The following MKLN1 variants were observed in gnomAD, a reference collection of about 807,000 sequenced individuals.
The protein encoded by MKLN1 is muskelin.
MKLN1 carries 18 observed loss-of-function variants against 99.0 expected under a neutral mutation model. That is an observed-to-expected ratio of 0.18 (90% confidence interval 0.13 to 0.27). The LOEUF is 0.27. Among genes scored for constraint, MKLN1 ranks in the 10% least tolerant of loss-of-function variants. MKLN1 has a pLI of 1.00. For missense variants in MKLN1, 621 were observed against 875.9 expected (o/e 0.71, Z 3.67); for synonymous variants, 288 against 293.2 (o/e 0.98, Z 0.18).
At chr7:131,172,989 A>C (rs1274311703) in intron 2 of MKLN1, among the ~76,000 whole-genome samples, 4 of 152,246 alleles carry the variant, frequency 2.6e-5, no homozygotes, top group Admixed American at 1.3e-4. Flanking sequence ...TGATTTAAAC[A>C]AATGAAAATC....
At chr7:131,464,542 A>G (rs1796606466) in intron 14 of MKLN1, 134 bp downstream of exon 14, 1 of 541,410 alleles carries the variant, frequency 1.8e-6, no homozygotes. Flanking sequence ...ATAGAATAAC[A>G]AACACCCAAT....
chr7:131,182,679 T>C (rs1048122077), intron 2 of MKLN1, among the ~76,000 whole-genome samples: 3 of 151,578 alleles, frequency 2.0e-5, no homozygotes, highest in Non-Finnish European at 4.4e-5. Flanking sequence ...GTTTTAAGAG[T>C]CTGTTTTATA....
At chr7:131,177,894 T>C (rs909843531) in intron 2 of MKLN1, among the ~76,000 whole-genome samples, 1 of 152,196 alleles carries the variant, frequency 6.6e-6, no homozygotes, top group Admixed American at 6.5e-5. Flanking sequence ...AGGACTGGTA[T>C]AGTAGCTCTA....
chr7:131,337,817 GTAA>G (rs532549622), intron 1 of MKLN1, among the ~76,000 whole-genome samples: 10 of 151,456 alleles, frequency 6.6e-5, no homozygotes, highest in African/African-American at 2.4e-4. Flanking sequence ...TAACATAATA[GTAA>G]TAATTATTAT....
chr7:131,496,463 A>G lies in MKLN1; in HGVS notation c.*8735A>G, dbSNP rs1797564577. 1 of 152,032 alleles carries G rather than the reference A, an allele frequency of 6.6e-6. No individual in the cohort carries two copies. The highest frequency in any genetic ancestry group is 6.5e-5 in the Admixed American group (1 of 15,268). The allele number at this position is 152,032 out of a possible 1,614,324, so 9.4% of individuals were successfully genotyped here. ...AGGATTTTTTTTTTCTTATAGTACA[A>G]ATAATTTTCAGATCCCAGCTTTGGT... On this transcript the variant is annotated 3_prime_UTR_variant, in exon 18 of 18. Transcript: ENST00000352689.
At chr7:131,166,095 ACT>A (rs1405640189) in intron 2 of MKLN1, among the ~76,000 whole-genome samples, 2 of 60,586 alleles carry the variant, frequency 3.3e-5, no homozygotes, top group African/African-American at 5.8e-5. Flanking sequence ...AGCCTGGGAG[ACT>A]CTGTTTCAAA....
intron 2 of MKLN1, among the ~76,000 whole-genome samples, chr7:131,380,262 A>G (rs1478746144): frequency 1.3e-5 from 2 of 152,294 alleles, no homozygotes; most frequent in Middle Eastern, 3.4e-3. Context: ...CTAGGCATGT[A>G]GTTACTTTTA....
intron 1 of MKLN1, among the ~76,000 whole-genome samples, chr7:131,346,261 G>A (rs1002668326): frequency 6.6e-6 from 1 of 152,186 alleles, no homozygotes; most frequent in Non-Finnish European, 1.5e-5. Flanking sequence ...GGTGGCTCAT[G>A]CCTGTAATCC....
intron 1 of MKLN1, among the ~76,000 whole-genome samples, chr7:131,350,620 C>T (rs1799692526): frequency 6.6e-6 from 1 of 152,186 alleles, no homozygotes; most frequent in Admixed American, 6.5e-5. Context: ...AGGTTGTCCT[C>T]AGTTTATTGC....
At chr7:131,306,082 C>G (rs1451836915) in intron 3 of MKLN1, among the ~76,000 whole-genome samples, 1 of 152,116 alleles carries the variant, frequency 6.6e-6, no homozygotes, top group Non-Finnish European at 1.5e-5. Context: ...GGCACATCCC[C>G]CCTTGCTCTC....
At chr7:131,234,694 G>C (rs945540343) in intron 3 of MKLN1, among the ~76,000 whole-genome samples, 2 of 152,154 alleles carry the variant, frequency 1.3e-5, no homozygotes, top group African/African-American at 4.8e-5. Context: ...CTCAATTCCA[G>C]CTCTTCTGTA....
At chr7:131,223,623 T>A (rs930105101) in intron 3 of MKLN1, among the ~76,000 whole-genome samples, 4 of 152,100 alleles carry the variant, frequency 2.6e-5, no homozygotes, top group African/African-American at 7.2e-5. Flanking sequence ...ATTCTCCATC[T>A]CTAAAATGCT....
intron 1 of MKLN1, among the ~76,000 whole-genome samples, chr7:131,344,273 A>G (rs776200277): frequency 6.6e-5 from 10 of 152,224 alleles, no homozygotes; most frequent in Non-Finnish European, 1.3e-4. Flanking sequence ...ACTAAGAAAA[A>G]ATAGAGAATT....
At chr7:131,377,940 TTTCTTCA>T (rs1402077308) in intron 2 of MKLN1, among the ~76,000 whole-genome samples, 1 of 152,170 alleles carries the variant, frequency 6.6e-6, no homozygotes, top group Non-Finnish European at 1.5e-5. Context: ...GCAATCTAGT[TTTCTTCA>T]TTGTAGTTAT....
chr7:131,346,126 CTT>C (rs1799552395), intron 1 of MKLN1, among the ~76,000 whole-genome samples: 1 of 152,128 alleles, frequency 6.6e-6, no homozygotes, highest in Non-Finnish European at 1.5e-5. Context: ...ATAATATAAA[CTT>C]TTGACTGTAT....
At chr7:131,400,518 A>AAC (rs527702723) in intron 6 of MKLN1, among the ~76,000 whole-genome samples, 1 of 137,436 alleles carries the variant, frequency 7.3e-6, no homozygotes, top group South Asian at 2.3e-4. Flanking sequence ...ATAAAAAAAA[A>AAC]ATATATATAT....
rs1200120223 is a variant in MKLN1 at position 131,493,348 on chromosome 7, A to G, written c.*5620A>G. ...CTAGAGAAGACAATGAGGGTATGTT[A>G]GAGAAGGAAAAATAGGAGCTTTTTG... On this transcript the variant is annotated 3_prime_UTR_variant, in exon 18 of 18. Transcript: ENST00000352689. 3 of 152,236 alleles carry G rather than the reference A, an allele frequency of 2.0e-5. No homozygotes were observed. Among genetic ancestry groups the G allele is most frequent in the African/African-American group, 7.2e-5 (3 of 41,458 alleles). 9.4% of individuals were successfully genotyped at this position (152,236 alleles called of 1,614,324 possible). A position where few individuals can be genotyped will look rare whatever the true frequency, so the allele number is the denominator to read the frequency against.
chr7:131,472,614 G>C (rs1796850036), intron 16 of MKLN1, among the ~76,000 whole-genome samples: 1 of 152,026 alleles, frequency 6.6e-6, no homozygotes, highest in African/African-American at 2.4e-5. Context: ...GTGTGTGTGT[G>C]TGTGTGTGTG....
chr7:131,165,331 A>G lies in MKLN1; in HGVS notation c.-297+22390A>G, dbSNP rs549088232. Among the ~76,000 whole-genome samples, 135 of 152,252 alleles carry G rather than the reference A, an allele frequency of 8.9e-4. 1 individual carries two copies. The highest frequency in any genetic ancestry group is 3.2e-3 in the African/African-American group (132 of 41,558). ...CTCCTGAGTAGCTGGGATTACAGGC[A>G]CGCGATACCATGCCTGGCTAATTTT... On this transcript the variant is annotated intron_variant, in intron 2 of 7. Coordinates refer to the MKLN1 transcript ENST00000416992.
Sources: allele counts gnomAD v4.1 joint callset (sites outside exome capture counted in the v4.1 genomes callset), GRCh38; gene constraint gnomAD v4.1.1; transcripts MANE v1.5; gene names NCBI Gene and HGNC (gene_info 2026-07-23, HGNC 2026-07-21).